The following USP46 variants were observed in gnomAD, a reference collection of about 807,000 sequenced individuals.
The protein encoded by USP46 is ubiquitin specific peptidase 46.
In USP46, 12 loss-of-function variants were observed where a neutral mutation model predicts 44.4. The ratio of observed to expected loss-of-function variants is 0.27; its 90% confidence interval spans 0.17 to 0.44. USP46 has a LOEUF of 0.44. USP46 is among the 20% of genes least tolerant of loss of function. The probability of loss-of-function intolerance (pLI) is 1.00; values close to 1 mark genes in which losing one functional copy is unlikely to be tolerated. For missense variants in USP46, 248 were observed against 444.8 expected (o/e 0.56, Z 3.98); for synonymous variants, 155 against 161.5 (o/e 0.96, Z 0.31).
At chr4:52,627,917 A>G (rs754330306) in intron 3 of USP46, 33 bp downstream of exon 3, 133 of 1,574,608 alleles carry the variant, frequency 8.4e-5, no homozygotes, top group Non-Finnish European at 1.1e-4. Context: ...CTTATTTCAG[A>G]GGCTTAAATA....
At chr4:52,641,886 G>T (rs552146781) in intron 1 of USP46, among the ~76,000 whole-genome samples, 10 of 152,328 alleles carry the variant, frequency 6.6e-5, no homozygotes, top group African/African-American at 1.9e-4. Context: ...TAGAGAATAA[G>T]TCATTAATTA....
At position 52,595,942 on chromosome 4, in the gene USP46, ATTGCCTCTAAACAAGGC is replaced by A. The variant is rs1716223260; in HGVS notation, c.*1681_*1697del. On this transcript the variant is annotated 3_prime_UTR_variant, in exon 9 of 9. Coordinates refer to ENST00000441222, the MANE Select transcript of USP46 (RefSeq NM_022832.4). Reference sequence around the variant, plus strand: ...AAAAAAAAATATTTATAAATGTGAAATTGCCTCTAAACAAGGCAAGGTACATTTCCATCACTTGTATA... The same window carrying A: ...AAAAAAAAATATTTATAAATGTGAAAAAGGTACATTTCCATCACTTGTATA... 6.6e-6 allele frequency: 1 copy of A among 152,650 alleles called. No homozygotes were observed. The highest frequency in any genetic ancestry group is 2.4e-5 in the African/African-American group (1 of 41,464). 9.5% of individuals were successfully genotyped at this position (152,650 alleles called of 1,614,324 possible).
chr4:52,640,144 A>G (rs1482936515), intron 1 of USP46, among the ~76,000 whole-genome samples: 1 of 152,174 alleles, frequency 6.6e-6, no homozygotes, highest in Non-Finnish European at 1.5e-5. Context: ...AGCTAATTTA[A>G]AAAGTAAAGT....
At chr4:52,643,213 C>T (rs961915304) in intron 1 of USP46, among the ~76,000 whole-genome samples, 3 of 152,198 alleles carry the variant, frequency 2.0e-5, no homozygotes, top group African/African-American at 7.2e-5. Flanking sequence ...TTCAATGTCA[C>T]TTCTTCAAAG....
intron 1 of USP46, chr4:52,656,435 G>T: frequency 1.4e-6 from 2 of 1,437,270 alleles, no homozygotes; most frequent in Non-Finnish European, 9.3e-7. Flanking sequence ...CAGTGGGGGC[G>T]GTGGGTGGGG....
chr4:52,657,040 C>CAAA (rs959028429), intron 1 of USP46, among the ~76,000 whole-genome samples: 12 of 29,204 alleles, frequency 4.1e-4, no homozygotes, highest in South Asian at 1.1e-3. Flanking sequence ...GAGACCTTGT[C>CAAA]AAAAAAAAAA....
At chr4:52,630,987 A>G (rs1476629311) in intron 2 of USP46, 77 bp downstream of exon 2, 2 of 1,237,170 alleles carry the variant, frequency 1.6e-6, no homozygotes, top group East Asian at 5.1e-5. Context: ...ATTGGTAGTG[A>G]TAAAAATGCA....
intron 7 of USP46, among the ~76,000 whole-genome samples, chr4:52,601,106 G>A (rs918363857): frequency 6.6e-6 from 1 of 152,172 alleles, no homozygotes; most frequent in Non-Finnish European, 1.5e-5. Context: ...TTAACAGATG[G>A]AGGAGAAAGA....
At chr4:52,601,743 G>A in intron 7 of USP46, 114 bp downstream of exon 7, 4 of 1,102,636 alleles carry the variant, frequency 3.6e-6, no homozygotes, top group Non-Finnish European at 3.7e-6. Flanking sequence ...GAGTTTGGCA[G>A]AGATCCCAAA....
At chr4:52,631,170 C>T (rs1428097311) in intron 1 of USP46, 26 bp from the exon 2 acceptor site, 1 of 1,531,632 alleles carries the variant, frequency 6.5e-7, no homozygotes, top group Non-Finnish European at 8.8e-7. Flanking sequence ...AGCAAAAGTT[C>T]TGTTGCATGT....
intron 4 of USP46, among the ~76,000 whole-genome samples, chr4:52,621,595 G>T (rs996410662): frequency 6.6e-6 from 1 of 152,062 alleles, no homozygotes; most frequent in Non-Finnish European, 1.5e-5. Flanking sequence ...CGCAGAGGTT[G>T]CAGTGAGCCA....
chr4:52,595,913 G>C lies in USP46; in HGVS notation c.*1727C>G, dbSNP rs1716220430. 1.3e-5 allele frequency: 2 copies of C among 152,402 alleles called. No individual in the cohort carries two copies. The highest frequency in any genetic ancestry group is 2.9e-5 in the Non-Finnish European group (2 of 67,986). 9.4% of individuals were successfully genotyped at this position (152,402 alleles called of 1,614,324 possible). Reference sequence around the variant, plus strand: ...TAGTGATTACTGCGTAAGTTTCATGGAGGAAAAAAAAATATTTATAAATGT... The same window carrying C: ...TAGTGATTACTGCGTAAGTTTCATGCAGGAAAAAAAAATATTTATAAATGT... On this transcript the variant is annotated 3_prime_UTR_variant, in exon 9 of 9. Coordinates refer to ENST00000441222, the MANE Select transcript of USP46 (RefSeq NM_022832.4).
chr4:52,646,825 TACTAAGAC>T (rs1334148617), intron 1 of USP46, among the ~76,000 whole-genome samples: 1 of 152,222 alleles, frequency 6.6e-6, no homozygotes, highest in Non-Finnish European at 1.5e-5. Context: ...ACTACAAATA[TACTAAGAC>T]ACCATCTTTC....
chr4:52,610,660 T>A (rs377076709), intron 4 of USP46, 43 bp from the exon 5 acceptor site: 17 of 1,584,644 alleles, frequency 1.1e-5, no homozygotes, highest in Non-Finnish European at 1.5e-5. Context: ...ATGAAATATG[T>A]AGTAGATAAA....
intron 2 of USP46, chr4:52,629,781 T>C (rs745898202): frequency 1.1e-5 from 5 of 455,282 alleles, no homozygotes; most frequent in Non-Finnish European, 2.2e-5. Context: ...TACCCTTCAT[T>C]ATCACCCAAA....
At chr4:52,626,311 G>T in intron 3 of USP46, 64 bp from the exon 4 acceptor site, 1 of 1,328,930 alleles carries the variant, frequency 7.5e-7, no homozygotes, top group Non-Finnish European at 1.0e-6. Context: ...TGTAATTAGT[G>T]TTACATGCCA....
intron 4 of USP46, among the ~76,000 whole-genome samples, chr4:52,616,350 C>T (rs374735783): frequency 6.6e-6 from 1 of 152,192 alleles, no homozygotes; most frequent in African/African-American, 2.4e-5. Flanking sequence ...CCCTTCCCTT[C>T]CCTTCCCTTT....
chr4:52,631,503 C>A (rs1367918816), intron 1 of USP46, among the ~76,000 whole-genome samples: 1 of 152,152 alleles, frequency 6.6e-6, no homozygotes, highest in Non-Finnish European at 1.5e-5. Flanking sequence ...TGATGGCATA[C>A]AGAATCATAT....
At chr4:52,627,311 C>G (rs185418969) in intron 3 of USP46, among the ~76,000 whole-genome samples, 429 of 152,308 alleles carry the variant, frequency 2.8e-3, no homozygotes, top group African/African-American at 9.9e-3. Context: ...AAGGCTGAAT[C>G]TAAGATAAAT....
Sources: allele counts gnomAD v4.1 joint callset (sites outside exome capture counted in the v4.1 genomes callset), GRCh38; gene constraint gnomAD v4.1.1; transcripts MANE v1.5; gene names NCBI Gene and HGNC (gene_info 2026-07-23, HGNC 2026-07-21).